Variants in NTM observed in about 807,000 individuals in gnomAD.
The protein encoded by NTM is neurotrimin.
In NTM, 13 loss-of-function variants were observed where a neutral mutation model predicts 42.1. The ratio of observed to expected loss-of-function variants is 0.31; its 90% confidence interval spans 0.20 to 0.49. NTM has a LOEUF of 0.49. Among genes scored for constraint, NTM ranks in the 20% least tolerant of loss-of-function variants. NTM has a pLI of 0.99. For missense variants in NTM, 373 were observed against 452.8 expected (o/e 0.82, Z 1.60); for synonymous variants, 187 against 179.2 (o/e 1.04, Z -0.35).
chr11:131,385,276 T>C (rs1394271978), intron 1 of NTM: 1 of 152,186 alleles, frequency 6.6e-6, no homozygotes, highest in South Asian at 2.1e-4. Context: ...GAAAAAGTAG[T>C]ATTCCCTTGA....
At chr11:131,414,953 ACAGATTC>A (rs1946792260) in intron 1 of NTM, among the ~76,000 whole-genome samples, 1 of 152,108 alleles carries the variant, frequency 6.6e-6, no homozygotes, top group African/African-American at 2.4e-5. Flanking sequence ...CCCAAACCCA[ACAGATTC>A]CAGTCTCCCC....
intron 1 of NTM, among the ~76,000 whole-genome samples, chr11:131,410,478 G>A (rs934454826): frequency 3.8e-5 from 5 of 131,752 alleles, no homozygotes; most frequent in African/African-American, 1.4e-4. Context: ...AGGTGACAGA[G>A]TGAGACCCTG....
chr11:131,476,538 A>G (rs1379251118), intron 1 of NTM, among the ~76,000 whole-genome samples: 2 of 152,170 alleles, frequency 1.3e-5, no homozygotes, highest in Admixed American at 1.3e-4. Context: ...TATTATTTAC[A>G]GGCTCCAAAG....
intron 7 of NTM, chr11:132,315,065 C>CAAA: frequency 9.6e-7 from 1 of 1,038,192 alleles, no homozygotes; most frequent in Non-Finnish European, 1.2e-6. Context: ...TTTGGAATGC[C>CAAA]AAAAATGACA....
chr11:132,109,611 C>G (rs909807939), intron 2 of NTM, among the ~76,000 whole-genome samples: 1 of 152,174 alleles, frequency 6.6e-6, no homozygotes, highest in Non-Finnish European at 1.5e-5. Flanking sequence ...GTGTCAAGAC[C>G]TACACGAGTT....
intron 4 of NTM, among the ~76,000 whole-genome samples, chr11:132,283,277 TC>T (rs1306028530): frequency 6.6e-6 from 1 of 152,012 alleles, no homozygotes; most frequent in Non-Finnish European, 1.5e-5. Flanking sequence ...GAGCCACCGC[TC>T]CGGGTCAACA....
intron 4 of NTM, among the ~76,000 whole-genome samples, chr11:132,229,980 A>G (rs1486855974): frequency 3.9e-5 from 6 of 152,262 alleles, no homozygotes; most frequent in African/African-American, 1.2e-4. Context: ...AACTGCCGTC[A>G]TAGAATCTGG....
intron 1 of NTM, among the ~76,000 whole-genome samples, chr11:131,439,538 G>A (rs577526217): frequency 6.6e-6 from 1 of 152,210 alleles, no homozygotes; most frequent in Non-Finnish European, 1.5e-5. Flanking sequence ...CCCCTGCCAG[G>A]CTGCTGCCTT....
At chr11:132,254,270 A>G (rs1160763280) in intron 4 of NTM, among the ~76,000 whole-genome samples, 1 of 151,962 alleles carries the variant, frequency 6.6e-6, no homozygotes, top group Non-Finnish European at 1.5e-5. Context: ...ACCCGTCTTC[A>G]TCCCCAGCAT....
chr11:131,429,593 A>G (rs557321840), intron 1 of NTM, among the ~76,000 whole-genome samples: 81 of 152,324 alleles, frequency 5.3e-4, no homozygotes, highest in African/African-American at 1.9e-3. Context: ...AGGAGTGGGG[A>G]AACAAATGAA....
At chr11:131,804,385 C>T (rs1017298950) in intron 1 of NTM, among the ~76,000 whole-genome samples, 4 of 152,196 alleles carry the variant, frequency 2.6e-5, no homozygotes, top group Non-Finnish European at 4.4e-5. Flanking sequence ...CTGCTGTTTC[C>T]TGTGCCTACT....
At chr11:132,129,721 C>A (rs1293226466) in intron 2 of NTM, among the ~76,000 whole-genome samples, 1 of 152,188 alleles carries the variant, frequency 6.6e-6, no homozygotes, top group Non-Finnish European at 1.5e-5. Flanking sequence ...TGTCCTCCAA[C>A]ACCAGTCATT....
chr11:131,938,007 A>T (rs1016044324), intron 2 of NTM, among the ~76,000 whole-genome samples: 1 of 152,184 alleles, frequency 6.6e-6, no homozygotes, highest in Non-Finnish European at 1.5e-5. Flanking sequence ...TAATTAATTT[A>T]ACTATTACCC....
chr11:131,615,732 C>T (rs768875125), intron 1 of NTM, among the ~76,000 whole-genome samples: 2 of 152,144 alleles, frequency 1.3e-5, no homozygotes, highest in African/African-American at 2.4e-5. Flanking sequence ...ACATGGCTCC[C>T]GTCAGCTCCC....
intron 2 of NTM, among the ~76,000 whole-genome samples, chr11:131,944,975 G>C (rs1212263348): frequency 1.3e-5 from 2 of 152,146 alleles, no homozygotes; most frequent in Non-Finnish European, 2.9e-5. Flanking sequence ...AACCCAGCCT[G>C]GATCTATTTG....
At chr11:132,111,063 C>CAAAAAAAAAAAAAAAAAAAAAAAAAA (rs57458373) in intron 2 of NTM, among the ~76,000 whole-genome samples, 1 of 35,464 alleles carries the variant, frequency 2.8e-5, no homozygotes, top group Non-Finnish European at 4.7e-5. Context: ...GGCCCTATCT[C>CAAAAAAAAAAAAAAAAAAAAAAAAAA]AAAAAAAAAA....
chr11:132,255,410 G>A (rs916388220), intron 4 of NTM, among the ~76,000 whole-genome samples: 1 of 152,112 alleles, frequency 6.6e-6, no homozygotes. Flanking sequence ...TGGCTCTGAC[G>A]GTGTTCCATC....
At chr11:131,936,404 C>T (rs2059220317) in intron 2 of NTM, among the ~76,000 whole-genome samples, 1 of 152,052 alleles carries the variant, frequency 6.6e-6, no homozygotes, top group African/African-American at 2.4e-5. Context: ...TTTATCAAGC[C>T]TTGGGCATCA....
At chr11:132,058,953 GGAGT>G (rs2080172025) in intron 2 of NTM, among the ~76,000 whole-genome samples, 1 of 152,196 alleles carries the variant, frequency 6.6e-6, no homozygotes, top group African/African-American at 2.4e-5. Context: ...AAGTAGAGGA[GGAGT>G]GAGAGGGAAT....
Sources: allele counts gnomAD v4.1 joint callset (sites outside exome capture counted in the v4.1 genomes callset), GRCh38; gene constraint gnomAD v4.1.1; transcripts MANE v1.5; gene names NCBI Gene and HGNC (gene_info 2026-07-23, HGNC 2026-07-21).